The following BANP variants were observed in gnomAD, a reference collection of about 807,000 sequenced individuals.
The protein encoded by BANP is protein BANP.
A neutral mutation model predicts 68.1 loss-of-function variants in BANP; 11 were observed. The ratio of observed to expected loss-of-function variants is 0.16; its 90% CI spans 0.10 to 0.27. The LOEUF (loss-of-function observed/expected upper bound fraction) is 0.27, where lower values mean the gene tolerates loss of function less well. Among genes scored for constraint, BANP ranks in the 10% least tolerant of loss-of-function variants. BANP has a pLI of 1.00. For synonymous variants in BANP, 329 were observed against 303.2 expected (o/e 1.09, Z -0.88); for missense variants, 504 against 722.7 (o/e 0.70, Z 3.47).
chr16:88,032,394 G>A (rs1306768172), intron 8 of BANP, among the ~76,000 whole-genome samples: 1 of 151,760 alleles, frequency 6.6e-6, no homozygotes, highest in Non-Finnish European at 1.5e-5. Flanking sequence ...TAGAGATGGG[G>A]TTTCACCATG....
chr16:87,985,704 G>A (rs60714647), intron 4 of BANP, among the ~76,000 whole-genome samples: 3,091 of 152,276 alleles, frequency 0.02, 95 homozygotes, highest in African/African-American at 0.069. Context: ...AAAGCCGGAC[G>A]TCCCACCTGG....
At chr16:88,056,135 G>C (rs1404907832) in intron 11 of BANP, among the ~76,000 whole-genome samples, 1 of 152,202 alleles carries the variant, frequency 6.6e-6, no homozygotes, top group Non-Finnish European at 1.5e-5. Flanking sequence ...CCTGCCTGTG[G>C]CTCTGACACT....
chr16:87,975,492 G>C (rs529928160), intron 2 of BANP, among the ~76,000 whole-genome samples: 1 of 152,188 alleles, frequency 6.6e-6, no homozygotes, highest in African/African-American at 2.4e-5. Context: ...TGTGTGCGGC[G>C]TCGTGGATCT....
intron 11 of BANP, among the ~76,000 whole-genome samples, chr16:88,046,081 G>C (rs2081960026): frequency 6.6e-6 from 1 of 152,240 alleles, no homozygotes; most frequent in Admixed American, 6.5e-5. Context: ...GTGCCCAGGT[G>C]GTGAGTAGGC....
chr16:88,052,141 C>T (rs991375704), intron 11 of BANP, among the ~76,000 whole-genome samples: 4 of 152,126 alleles, frequency 2.6e-5, no homozygotes, highest in Admixed American at 2.6e-4. Flanking sequence ...CTAATTACTA[C>T]TAAATTGTTA....
rs111949752 is a variant in BANP at position 87,990,802 on chromosome 16, G to A, written c.362+6543G>A. Among the ~76,000 whole-genome samples, 1,127 of 151,892 alleles carry A rather than the reference G, an allele frequency of 7.4e-3. 18 individuals are homozygous for A. The highest frequency in any genetic ancestry group is 0.026 in the African/African-American group (1,060 of 41,410). Reference sequence around the variant, plus strand: ...TTTTGAGATGGAGTCTCCCTCTGTCGCCCAGGCTGGAGTGCAGTGGCGCAA... The same window carrying A: ...TTTTGAGATGGAGTCTCCCTCTGTCACCCAGGCTGGAGTGCAGTGGCGCAA... On this transcript the variant is annotated intron_variant, in intron 4 of 13. Coordinates refer to ENST00000682872, the MANE Select transcript of BANP (RefSeq NM_001386991.1).
intron 11 of BANP, among the ~76,000 whole-genome samples, chr16:88,054,269 C>T (rs532803463): frequency 2.0e-5 from 1 of 49,528 alleles, no homozygotes; most frequent in Non-Finnish European, 5.6e-5. Context: ...ACCACCACCA[C>T]CACCTCTACC....
chr16:88,072,031 GCCA>G (rs1284510252), intron 12 of BANP, 35 bp from the exon 13 acceptor site: 1 of 1,543,626 alleles, frequency 6.5e-7, no homozygotes. Context: ...TGGGTTGTGG[GCCA>G]CGCCGCTGAC....
rs752840012 is a variant in BANP at position 88,033,167 on chromosome 16, G to T, written c.1122G>T (p.Pro374=). The change falls in exon 9 of 14, where the codon CCG becomes CCT. Residue 374 remains proline, a synonymous_variant. Coordinates refer to ENST00000682872, the MANE Select transcript of BANP (RefSeq NM_001386991.1). ...AGCTCCCGCAGCCACAGCCGCAGCC[G>T]CAGGCCCTGCACTACGCGCTGGCCA... ...ASELPQPQPQ[P]QALHYALANA... 13 of 1,610,714 alleles carry T rather than the reference G, an allele frequency of 8.1e-6. No individual in the cohort carries two copies. In the South Asian group the frequency reaches 1.1e-4, roughly 14 times the overall value.
chr16:87,994,899 C>G (rs942342372), intron 4 of BANP, among the ~76,000 whole-genome samples: 1 of 152,192 alleles, frequency 6.6e-6, no homozygotes, highest in African/African-American at 2.4e-5. Flanking sequence ...AGAGGGTCCC[C>G]TGGACTTGTG....
chr16:87,983,940 G>C lies in BANP; in HGVS notation c.163-120G>C, dbSNP rs1300164161. On this transcript the variant is annotated intron_variant, in intron 3 of 13. Transcript: ENST00000682872. ...TAGCTCACGGGCTATTTCCAGTGTG[G>C]GGATTGTTCTGTCTGAATAGATAGA... The C allele has an allele frequency of 2.9e-6, 4 of 1,398,558 alleles. No homozygotes were observed. In the East Asian group the frequency reaches 1.0e-4, roughly 35 times the overall value. The allele number at this position is 1,398,558 out of a possible 1,614,324, so 86.6% of individuals were successfully genotyped here. A position where few individuals can be genotyped will look rare whatever the true frequency, so the allele number is the denominator to read the frequency against.
intron 1 of BANP, among the ~76,000 whole-genome samples, chr16:87,973,411 G>T (rs895636343): frequency 3.3e-5 from 5 of 152,112 alleles, no homozygotes; most frequent in Non-Finnish European, 7.3e-5. Flanking sequence ...ACTCTATAAA[G>T]GAAGATTTAA....
At chr16:87,960,708 T>C (rs533263046) in intron 1 of BANP, among the ~76,000 whole-genome samples, 5 of 152,332 alleles carry the variant, frequency 3.3e-5, no homozygotes, top group Non-Finnish European at 7.3e-5. Flanking sequence ...GGAAAGCACT[T>C]TCATTGTATT....
In BANP at chr16:87,957,406, T is replaced by C. The variant is rs953786216; in HGVS notation, c.-69+5891T>C. ...GTATTGGCTGCAGTCACCTCCCCTC[T>C]GCTCGTCTGTGTCCACATTCTGTCG... is the stretch of plus-strand genomic sequence containing the variant. On this transcript the variant is annotated intron_variant, in intron 1 of 13. Transcript: ENST00000682872. This position sits in a 1 kb window ranked among gnomAD's most constrained non-coding sequence, Gnocchi z 4.3. Among the ~76,000 whole-genome samples the C allele has an allele frequency of 6.6e-6, 1 of 152,212 alleles. No individual in the cohort carries two copies. The highest frequency in any genetic ancestry group is 2.4e-5 in the African/African-American group (1 of 41,460).
intron 1 of BANP, among the ~76,000 whole-genome samples, chr16:87,964,422 C>A (rs547389757): frequency 6.6e-6 from 1 of 152,114 alleles, no homozygotes; most frequent in Non-Finnish European, 1.5e-5. Flanking sequence ...TGCACGTCAC[C>A]GTTGCCGAGG....
chr16:87,956,866 C>G (rs991010845), intron 1 of BANP: 2 of 152,210 alleles, frequency 1.3e-5, no homozygotes, highest in African/African-American at 4.8e-5. Context: ...TCCTGACCCC[C>G]GTGCAGAGGA....
At chr16:88,069,923 C>T (rs2089874076) in intron 12 of BANP, among the ~76,000 whole-genome samples, 1 of 152,046 alleles carries the variant, frequency 6.6e-6, no homozygotes, top group Non-Finnish European at 1.5e-5. Flanking sequence ...CCTCTGCTGC[C>T]CTGAGACAGC....
At position 88,006,154 on chromosome 16, in the gene BANP, C is replaced by T; in HGVS notation, c.544C>T (p.His182Tyr). The change falls in exon 6 of 14, where the codon CAC becomes TAC. Residue 182 changes from histidine to tyrosine, a missense_variant. Transcript: ENST00000682872. ...GGTGCCGGGCCAAGAAGACAGCCAC[C>T]ACGAGGACGGGGAGAGCGGCTCGGA... ...VKVPGQEDSHHEDGESGSEAS... is the reference protein window; with the variant it reads ...VKVPGQEDSHYEDGESGSEAS... 6.2e-7 allele frequency: 1 copy of T among 1,614,044 alleles called. No homozygotes were observed. The highest frequency in any genetic ancestry group is 2.2e-5 in the East Asian group (1 of 44,862).
intron 6 of BANP, among the ~76,000 whole-genome samples, chr16:88,014,715 C>CG (rs1384883434): frequency 6.6e-6 from 1 of 152,010 alleles, no homozygotes; most frequent in African/African-American, 2.4e-5. Context: ...ACCCACATCC[C>CG]GGTGTGGGTG....
Sources: gnomAD v4.1 joint callset for allele counts (sites outside exome capture counted in the v4.1 genomes callset) on GRCh38, gnomAD v4.1.1 for gene constraint, Gnocchi (gnomAD v3.1) non-coding constraint, MANE v1.5 for transcripts, NCBI Gene and HGNC (gene_info 2026-07-23, HGNC 2026-07-21) for gene names.